Variants in CACNA2D3 observed in about 807,000 individuals in gnomAD.
CACNA2D3 encodes the protein voltage-dependent calcium channel subunit alpha-2/delta-3.
CACNA2D3 carries 60 observed loss-of-function variants against 160.6 expected under a neutral mutation model. The ratio of observed to expected loss-of-function variants is 0.37; its 90% confidence interval spans 0.30 to 0.46. The LOEUF is 0.46. CACNA2D3 is among the 20% of genes least tolerant of loss of function. The probability of loss-of-function intolerance (pLI) is 1.00; values close to 1 mark genes in which losing one functional copy is unlikely to be tolerated. For missense variants in CACNA2D3, 1,205 were observed against 1,365.0 expected (o/e 0.88, Z 1.85); for synonymous variants, 558 against 492.9 (o/e 1.13, Z -1.75).
At chr3:54,508,478 G>A (rs1701407750) in intron 5 of CACNA2D3, among the ~76,000 whole-genome samples, 1 of 152,222 alleles carries the variant, frequency 6.6e-6, no homozygotes, top group Non-Finnish European at 1.5e-5. Context: ...GCCCCATGAA[G>A]GCGGGAACCC....
At chr3:54,336,000 G>A (rs542511096) in intron 3 of CACNA2D3, among the ~76,000 whole-genome samples, 128 of 71,884 alleles carry the variant, frequency 1.8e-3, no homozygotes, top group African/African-American at 7.3e-3. Flanking sequence ...GGAAGACTCC[G>A]TCTCAAAAAA....
intron 4 of CACNA2D3, among the ~76,000 whole-genome samples, chr3:54,469,490 C>G (rs1264603134): frequency 6.6e-6 from 1 of 152,080 alleles, no homozygotes; most frequent in African/African-American, 2.4e-5. Flanking sequence ...TGCAAAAAGG[C>G]TGAAAATTCC....
intron 13 of CACNA2D3, among the ~76,000 whole-genome samples, chr3:54,766,564 C>T (rs1207427429): frequency 3.3e-5 from 5 of 152,112 alleles, no homozygotes; most frequent in African/African-American, 9.7e-5. Flanking sequence ...TTGCATTTAC[C>T]CTTTGATCCA....
At chr3:54,526,086 A>C (rs575860415) in intron 5 of CACNA2D3, among the ~76,000 whole-genome samples, 108 of 151,448 alleles carry the variant, frequency 7.1e-4, no homozygotes, top group African/African-American at 2.5e-3. Flanking sequence ...TTCTTCCTCC[A>C]GTTCAAATAT....
At chr3:54,559,892 A>C (rs1229732176) in intron 5 of CACNA2D3, among the ~76,000 whole-genome samples, 1 of 152,200 alleles carries the variant, frequency 6.6e-6, no homozygotes, top group Non-Finnish European at 1.5e-5. Context: ...AATGGCCTGC[A>C]GTTCCATCCA....
intron 5 of CACNA2D3, among the ~76,000 whole-genome samples, chr3:54,515,197 T>TGA (rs1406976766): frequency 0.01 from 1,405 of 137,680 alleles, 16 homozygotes; most frequent in African/African-American, 0.035. Context: ...TGTGTGTGTG[T>TGA]GTGAGAGAGA....
At chr3:54,443,923 G>A (rs939410591) in intron 4 of CACNA2D3, among the ~76,000 whole-genome samples, 1 of 152,138 alleles carries the variant, frequency 6.6e-6, no homozygotes, top group Non-Finnish European at 1.5e-5. Flanking sequence ...GGAGGATTTG[G>A]CTTTTATTTA....
chr3:54,536,443 A>G (rs1405101967), intron 5 of CACNA2D3, among the ~76,000 whole-genome samples: 1 of 152,232 alleles, frequency 6.6e-6, no homozygotes, highest in Admixed American at 6.5e-5. Flanking sequence ...GGAGCAGGAC[A>G]ATCTCAAGGA....
At chr3:54,436,365 T>C (rs1700059653) in intron 4 of CACNA2D3, among the ~76,000 whole-genome samples, 1 of 152,334 alleles carries the variant, frequency 6.6e-6, no homozygotes, top group Admixed American at 6.5e-5. Context: ...TGGAAGACAG[T>C]GTGGTTATTC....
chr3:54,224,113 ACATGGGGTCAGGAT>A, intron 2 of CACNA2D3, among the ~76,000 whole-genome samples: 1 of 152,262 alleles, frequency 6.6e-6, no homozygotes, highest in East Asian at 1.9e-4. Flanking sequence ...GCCTAAGCCA[ACATGGGGTCAGGAT>A]CATCAGGATC....
At chr3:54,183,770 A>G (rs1163868303) in intron 2 of CACNA2D3, among the ~76,000 whole-genome samples, 1 of 151,826 alleles carries the variant, frequency 6.6e-6, no homozygotes, top group African/African-American at 2.4e-5. Flanking sequence ...CTGTAATCCC[A>G]GCTACTCGGG....
rs1435980192 is a variant in CACNA2D3, at chr3:54,807,246, C to G, written c.1381-9607C>G. Among the ~76,000 whole-genome samples, 2 of 152,156 alleles carry G rather than the reference C, an allele frequency of 1.3e-5. 1 individual carries two copies. Among genetic ancestry groups the G allele is most frequent in the African/African-American group, 4.8e-5 (2 of 41,448 alleles). On this transcript the variant is annotated intron_variant, in intron 13 of 37. Coordinates refer to ENST00000474759, the MANE Select transcript of CACNA2D3 (RefSeq NM_018398.3). The stretch of plus-strand genomic sequence containing the variant: ...AAGAGCTTCTGCACAGCGAAAGAAA[C>G]TACCATCAGAGTGAACAGGCGACCT...
intron 27 of CACNA2D3, among the ~76,000 whole-genome samples, chr3:54,955,061 AGACC>A (rs1234528277): frequency 2.0e-5 from 3 of 152,212 alleles, no homozygotes; most frequent in African/African-American, 7.2e-5. Context: ...AACTGACAAA[AGACC>A]GATTAGTAGG....
At chr3:55,018,680 T>C (rs1309774824) in intron 35 of CACNA2D3, among the ~76,000 whole-genome samples, 1 of 152,040 alleles carries the variant, frequency 6.6e-6, no homozygotes, top group Non-Finnish European at 1.5e-5. Context: ...GCCTTCAGGA[T>C]TTACCCAAAC....
intron 5 of CACNA2D3, among the ~76,000 whole-genome samples, chr3:54,524,305 T>C (rs560427489): frequency 6.6e-6 from 1 of 152,278 alleles, no homozygotes; most frequent in South Asian, 2.1e-4. Flanking sequence ...TAGTTGTGAA[T>C]TCCCCAAATT....
intron 15 of CACNA2D3, 93 bp from the exon 16 acceptor site, chr3:54,838,475 C>T (rs1559600480): frequency 1.0e-6 from 1 of 982,592 alleles, no homozygotes. Context: ...TTGGGGAAGG[C>T]ACCAGGCAGA....
At chr3:54,226,753 A>G (rs1701681320) in intron 2 of CACNA2D3, among the ~76,000 whole-genome samples, 1 of 152,076 alleles carries the variant, frequency 6.6e-6, no homozygotes, top group Admixed American at 6.5e-5. Flanking sequence ...GTGGCTTTTG[A>G]TTTATCCAGT....
chr3:54,671,624 G>C (rs1376560893), intron 11 of CACNA2D3, among the ~76,000 whole-genome samples: 2 of 152,052 alleles, frequency 1.3e-5, no homozygotes, highest in African/African-American at 2.4e-5. Flanking sequence ...GGTGAGGTTC[G>C]TGGTCTCTGC....
intron 2 of CACNA2D3, among the ~76,000 whole-genome samples, chr3:54,176,254 C>T (rs1443212965): frequency 3.3e-5 from 5 of 152,198 alleles, no homozygotes; most frequent in African/African-American, 7.2e-5. Flanking sequence ...CTTCTTTCCT[C>T]GCTCCAGGAT....
Sources: allele counts gnomAD v4.1 joint callset (sites outside exome capture counted in the v4.1 genomes callset), GRCh38; gene constraint gnomAD v4.1.1; transcripts MANE v1.5; gene names NCBI Gene and HGNC (gene_info 2026-07-23, HGNC 2026-07-21).